The following TET2 variants were observed in gnomAD, a reference collection of about 807,000 sequenced individuals.
The protein encoded by TET2 is tet methylcytosine dioxygenase 2.
In TET2, 299 loss-of-function variants were observed where a neutral mutation model predicts 142.9. The observed-to-expected ratio is 2.09, with a 90% CI of 1.90 to 2.30. The LOEUF (loss-of-function observed/expected upper bound fraction) is 2.30, where lower values mean the gene tolerates loss of function less well. TET2 is among the 30% of genes most tolerant of loss of function. TET2 has a pLI of 0.00. For synonymous variants in TET2, 819 were observed against 849.0 expected (o/e 0.96, Z 0.61); for missense variants, 2,418 against 2,378.0 (o/e 1.02, Z -0.35).
intron 6 of TET2, among the ~76,000 whole-genome samples, chr4:105,258,912 A>G (rs547762611): frequency 2.0e-5 from 3 of 152,312 alleles, no homozygotes; most frequent in East Asian, 1.9e-4. Context: ...TCAAATGCCC[A>G]TCAATGGTAG....
In TET2 at chr4:105,261,765, A is replaced by T; in HGVS notation, c.3961A>T (p.Lys1321Ter). The T allele has an allele frequency of 6.5e-7, 1 of 1,543,286 alleles. No individual in the cohort carries two copies. Among genetic ancestry groups the T allele is most frequent in the Non-Finnish European group, 8.8e-7 (1 of 1,140,332 alleles). The change falls in exon 8 of 11, where the codon AAA becomes TAA. Residue 1321 changes from lysine to a stop codon, truncating the protein, a stop_gained. Transcript: ENST00000380013. LOFTEE classifies it high-confidence loss of function. ...AATTATTCACTTTATACAGGAAGAG[A>T]AACTGGAGTCTCATTTGCAAAACCT... ...LLGDDPKEEE[K>*]LESHLQNLST... is the part of the protein sequence containing the mutation.
intron 2 of TET2, among the ~76,000 whole-genome samples, chr4:105,215,713 C>CG (rs1369313043): frequency 6.6e-6 from 1 of 151,986 alleles, no homozygotes; most frequent in Admixed American, 6.6e-5. Flanking sequence ...TTTTTTTCCC[C>CG]CTTATCTGCA....
In TET2 at chr4:105,235,897, A is replaced by G. The variant is rs1728846531; in HGVS notation, c.1955A>G (p.Gln652Arg). Residue 652 changes from glutamine (Q) to arginine (R), a missense_variant, in exon 3 of 11, where the codon CAG becomes CGG. Gln to Arg is a conservative substitution (Grantham distance 43, BLOSUM62 1). Coordinates refer to ENST00000380013, the MANE Select transcript of TET2 (RefSeq NM_001127208.3). ...QSQGTVDQHL[Q>R]FQKPSHQVHF... ...CAAGGTACAGTGGACCAACATCTCC[A>G]GTTCCAAAAACCCTCACACCAGGTG... 3 of 1,613,978 alleles carry G rather than the reference A, an allele frequency of 1.9e-6. No individual in the cohort carries two copies. The highest frequency in any genetic ancestry group is 1.7e-5 in the Admixed American group (1 of 59,958).
intron 1 of TET2, among the ~76,000 whole-genome samples, chr4:105,155,943 T>C (rs1222987065): frequency 6.6e-6 from 1 of 152,128 alleles, no homozygotes; most frequent in Non-Finnish European, 1.5e-5. Flanking sequence ...CATTAAGAAG[T>C]TGGTGTAGTG....
chr4:105,275,582 C>T lies in TET2; in HGVS notation c.5072C>T (p.Ser1691Phe). The change falls in exon 11 of 11, where the codon TCT becomes TTT. Residue 1691 changes from serine (S) to phenylalanine (F), a missense_variant. Coordinates refer to ENST00000380013, the MANE Select transcript of TET2 (RefSeq NM_001127208.3). ...PRFGNSQSFT[S>F]KYLGYGNQNM... The stretch of plus-strand genomic sequence containing the variant: ...TTTGGAAATAGCCAGAGTTTTACAT[C>T]TAAATACTTAGGTTATGGAAACCAA... The T allele has an allele frequency of 6.4e-7, 1 of 1,551,726 alleles. No homozygotes were observed. Among genetic ancestry groups the T allele is most frequent in the Non-Finnish European group, 8.7e-7 (1 of 1,146,982 alleles).
chr4:105,261,645 C>A (rs914534156), intron 7 of TET2, 114 bp from the exon 8 acceptor site: 1 of 561,780 alleles, frequency 1.8e-6, no homozygotes, highest in Non-Finnish European at 3.1e-6. Flanking sequence ...AATAAAGGCA[C>A]CATATATTGT....
intron 8 of TET2, among the ~76,000 whole-genome samples, chr4:105,266,246 G>A (rs766667036): frequency 1.6e-4 from 24 of 152,068 alleles, no homozygotes; most frequent in Non-Finnish European, 2.8e-4. Flanking sequence ...GGTAGTAGAA[G>A]TAAATTTGGC....
At chr4:105,248,937 T>A (rs1401147405) in intron 6 of TET2, among the ~76,000 whole-genome samples, 1 of 151,804 alleles carries the variant, frequency 6.6e-6, no homozygotes, top group Non-Finnish European at 1.5e-5. Context: ...GCTTCTTTCA[T>A]GTACCTCAAT....
intron 8 of TET2, among the ~76,000 whole-genome samples, chr4:105,265,519 G>A (rs948125996): frequency 6.6e-6 from 1 of 152,166 alleles, no homozygotes; most frequent in Non-Finnish European, 1.5e-5. Context: ...AAGCTAACTA[G>A]ACCACAGCAT....
At chr4:105,268,897 C>T (rs1292684709) in intron 8 of TET2, among the ~76,000 whole-genome samples, 2 of 152,226 alleles carry the variant, frequency 1.3e-5, no homozygotes, top group African/African-American at 2.4e-5. Flanking sequence ...CGCTTGAATC[C>T]AGGAGGCAGA....
At chr4:105,228,992 G>A (rs541522945) in intron 2 of TET2, among the ~76,000 whole-genome samples, 1 of 152,182 alleles carries the variant, frequency 6.6e-6, no homozygotes, top group East Asian at 1.9e-4. Context: ...ACATTTTCTA[G>A]TACTCACATT....
intron 1 of TET2, among the ~76,000 whole-genome samples, chr4:105,189,697 T>A (rs973860077): frequency 6.6e-6 from 1 of 152,222 alleles, no homozygotes; most frequent in African/African-American, 2.4e-5. Flanking sequence ...AAGTCTTACT[T>A]GGGTTATGTT....
At position 105,242,449 on chromosome 4, in the gene TET2, C is replaced by A. The variant is rs149618331; in HGVS notation, c.3501-385C>A. 3.8e-5 allele frequency: 42 copies of A among 1,100,866 alleles called. No individual in the cohort carries two copies. In the African/African-American group the frequency reaches 6.9e-4, roughly 18 times the overall value. The allele number at this position is 1,100,866 out of a possible 1,614,324, so 68.2% of individuals were successfully genotyped here. ...TTGGAGGAACAGTTCTAACTAAAAT[C>A]TATTATGACTCCCCAAGTTTTAAAA... is the stretch of plus-strand genomic sequence containing the variant. On this transcript the variant is annotated intron_variant, in intron 4 of 10. Coordinates refer to ENST00000380013, the MANE Select transcript of TET2 (RefSeq NM_001127208.3).
chr4:105,275,091 G>A lies in TET2; in HGVS notation c.4581G>A (p.Gln1527=), dbSNP rs760976027. 5.2e-6 allele frequency: 8 copies of A among 1,549,950 alleles called. No homozygotes were observed. Among genetic ancestry groups the A allele is most frequent in the Non-Finnish European group, 6.1e-6 (7 of 1,146,094 alleles). The change falls in exon 11 of 11, where the codon CAG becomes CAA. Residue 1527 remains glutamine, a synonymous_variant. Coordinates refer to ENST00000380013, the MANE Select transcript of TET2 (RefSeq NM_001127208.3). ...GACCAGTCATGCAGCAGTCCCAGCA[G>A]CCCCAGCCTCTACAGAAGCAGCCAC... ...LSGPVMQQSQ[Q]PQPLQKQPPQ...
intron 2 of TET2, among the ~76,000 whole-genome samples, chr4:105,204,240 C>T (rs1342135987): frequency 1.4e-5 from 2 of 139,642 alleles, no homozygotes; most frequent in African/African-American, 5.9e-5. Context: ...TATATACACA[C>T]ACACACACAC....
At chr4:105,187,882 T>C (rs921473334) in intron 1 of TET2, among the ~76,000 whole-genome samples, 4 of 152,088 alleles carry the variant, frequency 2.6e-5, no homozygotes, top group Non-Finnish European at 5.9e-5. Flanking sequence ...TATGGAAAAA[T>C]TGGAACCCTG....
In TET2 at chr4:105,163,007, T is replaced by C. The variant is rs1268478915; in HGVS notation, c.-193+16028T>C. ...CAGCAGCTGTGCTTAGCATGGATAATTGCCTAAAAGGATGAGAAAAAAAAG... is the reference window on the plus strand; with the variant it reads ...CAGCAGCTGTGCTTAGCATGGATAACTGCCTAAAAGGATGAGAAAAAAAAG... On this transcript the variant is annotated intron_variant, in intron 1 of 10. Coordinates refer to ENST00000380013, the MANE Select transcript of TET2 (RefSeq NM_001127208.3). 3.3e-5 allele frequency among the ~76,000 whole-genome samples: 5 copies of C among 152,162 alleles called. No homozygotes were observed. In the East Asian group the frequency reaches 9.6e-4, roughly 29 times the overall value.
At position 105,147,219 on chromosome 4, in the gene TET2, C is replaced by G. The variant is rs142376832; in HGVS notation, c.-193+240C>G. On this transcript the variant is annotated intron_variant, in intron 1 of 10. Transcript: ENST00000380013. ...CTCTTCTCTCCTCCTAATGCTCGTC[C>G]CCTCATCTCCCAGAAAACTTACCTT... 4.4e-4 allele frequency among the ~76,000 whole-genome samples: 67 copies of G among 152,372 alleles called. 2 individuals are homozygous for G. The highest frequency in any genetic ancestry group is 1.5e-3 in the African/African-American group (63 of 41,580).
chr4:105,241,324 CTATTATCTCAACAGA>C lies in TET2; in HGVS notation c.3410-14_3410del. 6.5e-7 allele frequency: 1 copy of C among 1,534,296 alleles called. No homozygotes were observed. The highest frequency in any genetic ancestry group is 8.8e-7 in the Non-Finnish European group (1 of 1,139,994). ...AATTGAGGTCTAAAATAATAATCTT[CTATTATCTCAACAGA>C]GCAAATTATTGAAAAAGATGAAGGT... On this transcript the variant is annotated splice_acceptor_variant and splice_polypyrimidine_tract_variant and coding_sequence_variant and intron_variant, in exon 4 of 11. Coordinates refer to ENST00000380013, the MANE Select transcript of TET2 (RefSeq NM_001127208.3). LOFTEE classifies it high-confidence loss of function.
Sources: gnomAD v4.1 joint callset for allele counts (sites outside exome capture counted in the v4.1 genomes callset) on GRCh38, gnomAD v4.1.1 for gene constraint, MANE v1.5 for transcripts, NCBI Gene and HGNC (gene_info 2026-07-23, HGNC 2026-07-21) for gene names.